The following OR6Y1 variants were observed in gnomAD, a reference collection of about 807,000 sequenced individuals.
OR6Y1 encodes the protein olfactory receptor family 6 subfamily Y member 1.
Under a neutral mutation model 0.4 loss-of-function variants are expected in OR6Y1, and 1 was observed. The ratio of observed to expected loss-of-function variants is 2.74; its 90% CI spans 0.97 to 13.02. OR6Y1 has a LOEUF of 13.02. Ranked by LOEUF, OR6Y1 falls within the 30% of genes most tolerant of loss-of-function variation. OR6Y1 has a pLI of 0.12. For missense variants in OR6Y1, 480 were observed against 399.8 expected (o/e 1.20, Z -1.71); for synonymous variants, 173 against 141.1 (o/e 1.23, Z -1.60).
At position 158,544,804 on chromosome 1, in the gene OR6Y1, G is replaced by A. The variant is rs1647471842; in HGVS notation, c.*2324C>T. ...ATGTGGTATTTGGTTTTCTGTTCTT[G>A]CATTAGTTTGCTAAAGGTGATGGCC... is the stretch of plus-strand genomic sequence containing the variant. On this transcript the variant is annotated 3_prime_UTR_variant, in exon 2 of 2. Transcript: ENST00000641622. The A allele has an allele frequency of 1.3e-5, 2 of 152,106 alleles. No homozygotes were observed. The highest frequency in any genetic ancestry group is 1.3e-4 in the Admixed American group (2 of 15,270). The allele number at this position is 152,106 out of a possible 1,614,324, so 9.4% of individuals were successfully genotyped here.
chr1:158,548,343 G>C lies in OR6Y1; in HGVS notation c.-238C>G. 2.2e-6 allele frequency: 1 copy of C among 464,130 alleles called. No individual in the cohort carries two copies. The allele number at this position is 464,130 out of a possible 1,614,324, so 28.8% of individuals were successfully genotyped here. A position where few individuals can be genotyped will look rare whatever the true frequency, so the allele number is the denominator to read the frequency against. ...TTCTCAAGAGCAGTAACTTGTCCAA[G>C]GTCATACAAAATAGAGTTTATAACT... is the stretch of plus-strand genomic sequence containing the variant. On this transcript the variant is annotated 5_prime_UTR_variant, in exon 2 of 2. Transcript: ENST00000641622.
Position 158,548,255 on chromosome 1 carries a change from G to T in OR6Y1, c.-150C>A. On this transcript the variant is annotated 5_prime_UTR_variant, in exon 2 of 2. Transcript: ENST00000641622. Reference sequence around the variant, plus strand: ...CTTACTGCCTCTTGAATTATGAAGAGAACCAAAGCTTTTGAGAAAAGATGG... The same window carrying T: ...CTTACTGCCTCTTGAATTATGAAGATAACCAAAGCTTTTGAGAAAAGATGG... The T allele has an allele frequency of 1.4e-6, 1 of 715,662 alleles. No individual in the cohort carries two copies. 44.3% of individuals were successfully genotyped at this position (715,662 alleles called of 1,614,324 possible).
chr1:158,547,408 A>T lies in OR6Y1; in HGVS notation c.698T>A (p.Ile233Asn), dbSNP rs1481855942. The change falls in exon 2 of 2, where the codon ATC (isoleucine) becomes AAC (asparagine). Residue 233 changes from isoleucine (I) to asparagine (N), a missense_variant. Ile to Asn is a moderately radical substitution (Grantham distance 149, BLOSUM62 -3). Coordinates refer to ENST00000641622, the MANE Select transcript of OR6Y1 (RefSeq NM_001005189.2). ...CTTTTGGCGGCCCTGAGCAGAAGGG[A>T]TCCTGAGGATGGTGGCAAGGATAGC... ...YAAILATILR[I>N]PSAQGRQKAF... The T allele has an allele frequency of 6.2e-7, 1 of 1,613,620 alleles. No homozygotes were observed. Among genetic ancestry groups the T allele is most frequent in the South Asian group, 1.1e-5 (1 of 91,072 alleles).
intron 1 of OR6Y1, among the ~76,000 whole-genome samples, chr1:158,549,777 C>T (rs1452060429): frequency 1.3e-5 from 2 of 151,694 alleles, no homozygotes; most frequent in Non-Finnish European, 2.9e-5. Context: ...GTGGGACTTA[C>T]AAGCAAGGCA....
rs1377707572 is a variant in OR6Y1, at chr1:158,548,202, T to A, written c.-97A>T. On this transcript the variant is annotated 5_prime_UTR_variant, in exon 2 of 2. Transcript: ENST00000641622. ...ATAGAGCCCACCACCAGCAAATTTA[T>A]CACAATAGGAGGTTTCTGCTTTTTT... 7.9e-7 allele frequency: 1 copy of A among 1,268,650 alleles called. No individual in the cohort carries two copies. The highest frequency in any genetic ancestry group is 1.1e-6 in the Non-Finnish European group (1 of 921,526). 78.6% of individuals were successfully genotyped at this position (1,268,650 alleles called of 1,614,324 possible).
In OR6Y1 at chr1:158,547,155, G is replaced by A. The variant is rs770767140; in HGVS notation, c.951C>T (p.Pro317=). The change falls in exon 2 of 2, where the codon CCC becomes CCT. Residue 317 remains proline, a synonymous_variant. Coordinates refer to ENST00000641622, the MANE Select transcript of OR6Y1 (RefSeq NM_001005189.2). Reference sequence around the variant, plus strand: ...AACTACTGAAAGCCCCATTTCCCTGGGGCCCACTTCCTCTGCAATGTATGG... The same window carrying A: ...AACTACTGAAAGCCCCATTTCCCTGAGGCCCACTTCCTCTGCAATGTATGG... ...RKTIHCRGSG[P]QGNGAFSS 1.2e-6 allele frequency: 2 copies of A among 1,612,904 alleles called. No homozygotes were observed. The highest frequency in any genetic ancestry group is 2.2e-5 in the South Asian group (2 of 90,948).
At position 158,554,331 on chromosome 1, in the gene OR6Y1, A is replaced by G. The variant is rs1195535819; in HGVS notation, c.-1498T>C. The G allele has an allele frequency of 2.0e-5, 3 of 152,264 alleles. No individual in the cohort carries two copies. Among genetic ancestry groups the G allele is most frequent in the Admixed American group, 1.3e-4 (2 of 15,288 alleles). The allele number at this position is 152,264 out of a possible 1,614,324, so 9.4% of individuals were successfully genotyped here. A position where few individuals can be genotyped will look rare whatever the true frequency, so the allele number is the denominator to read the frequency against. ...TCAAAGATGGCCAGCTTGCGCTGAGAAAAGAGAAGAAATCATGTAGACCAA... is the reference window on the plus strand; with the variant it reads ...TCAAAGATGGCCAGCTTGCGCTGAGGAAAGAGAAGAAATCATGTAGACCAA... On this transcript the variant is annotated 5_prime_UTR_variant, in exon 1 of 2. Coordinates refer to ENST00000641622, the MANE Select transcript of OR6Y1 (RefSeq NM_001005189.2).
intron 1 of OR6Y1, among the ~76,000 whole-genome samples, chr1:158,550,583 TATATAG>T (rs1168169565): frequency 1.3e-5 from 2 of 151,640 alleles, no homozygotes; most frequent in Non-Finnish European, 2.9e-5. Flanking sequence ...CACATATGTA[TATATAG>T]AATTATATTT....
At chr1:158,552,261 T>C (rs1287235012) in intron 1 of OR6Y1, among the ~76,000 whole-genome samples, 1 of 148,588 alleles carries the variant, frequency 6.7e-6, no homozygotes, top group Non-Finnish European at 1.5e-5. Context: ...TATATATATA[T>C]GGCCAGTTTA....
chr1:158,547,194 T>G lies in OR6Y1; in HGVS notation c.912A>C (p.Ala304=). 3 of 1,613,660 alleles carry G rather than the reference T, an allele frequency of 1.9e-6. No homozygotes were observed. Among genetic ancestry groups the G allele is most frequent in the Non-Finnish European group, 2.5e-6 (3 of 1,179,938 alleles). The part of the protein sequence containing the change: ...IYCLRNHEVK[A]ALRKTIHCRG... ...TGCAATGTATGGTCTTTCTGAGGGC[T>G]GCCTTTACTTCATGGTTCCTCAGAC... Residue 304 remains alanine, a synonymous_variant, in exon 2 of 2, where the codon GCA becomes GCC. Transcript: ENST00000641622.
At chr1:158,552,630 T>C (rs146522163) in intron 1 of OR6Y1, among the ~76,000 whole-genome samples, 6 of 152,156 alleles carry the variant, frequency 3.9e-5, no homozygotes, top group Non-Finnish European at 4.4e-5. Flanking sequence ...ATGGAGGCAT[T>C]TTAAAAATTG....
rs200681369 is a variant in OR6Y1 at position 158,551,767 on chromosome 1, A to C, written c.-1432-2230T>G. 1.2e-3 allele frequency among the ~76,000 whole-genome samples: 136 copies of C among 109,206 alleles called. 7 individuals carry two copies. Among genetic ancestry groups the C allele is most frequent in the African/African-American group, 5.1e-3 (124 of 24,152 alleles). The allele number at this position is 109,206 out of a possible 152,430, so 71.6% of individuals were successfully genotyped here. On this transcript the variant is annotated intron_variant, in intron 1 of 1. Transcript: ENST00000641622. ...TTACACACACACACACACACACACAAACACACATTGCTAAACAAGTAGAAT... is the reference window on the plus strand; with the variant it reads ...TTACACACACACACACACACACACACACACACATTGCTAAACAAGTAGAAT...
intron 1 of OR6Y1, among the ~76,000 whole-genome samples, chr1:158,552,943 A>G (rs1299476949): frequency 1.3e-5 from 2 of 152,154 alleles, no homozygotes; most frequent in East Asian, 3.9e-4. Flanking sequence ...AGGAACGAAT[A>G]TGCTTCAGGG....
chr1:158,547,483 G>T lies in OR6Y1; in HGVS notation c.623C>A (p.Ala208Asp). 1 of 1,613,482 alleles carries T rather than the reference G, an allele frequency of 6.2e-7. No individual in the cohort carries two copies. The highest frequency in any genetic ancestry group is 8.5e-7 in the Non-Finnish European group (1 of 1,179,988). Residue 208 changes from alanine (A) to aspartate (D), a missense_variant, in exon 2 of 2, where the codon GCC (alanine) becomes GAC (aspartate). Physicochemically the swap from Ala to Asp is moderately radical, Grantham distance 126. Transcript: ENST00000641622. ...SQAEMVDFFL[A>D]LMVIAIPLCV... ...AAGAGGAATAGCAATGACCATGAGG[G>T]CCAAGAAGAAGTCCACCATCTCAGC...
rs1208019666 is a variant in OR6Y1 at position 158,547,479 on chromosome 1, G to A, written c.627C>T (p.Leu209=). The part of the protein sequence containing the change: ...QAEMVDFFLA[L]MVIAIPLCVV... ...CACAAAGAGGAATAGCAATGACCAT[G>A]AGGGCCAAGAAGAAGTCCACCATCT... The change falls in exon 2 of 2, where the codon CTC becomes CTT. Residue 209 remains leucine (L), a synonymous_variant. Coordinates refer to ENST00000641622, the MANE Select transcript of OR6Y1 (RefSeq NM_001005189.2). 6.2e-7 allele frequency: 1 copy of A among 1,613,558 alleles called. No homozygotes were observed. Among genetic ancestry groups the A allele is most frequent in the Non-Finnish European group, 8.5e-7 (1 of 1,179,996 alleles).
Position 158,547,145 on chromosome 1 carries a change from C to A in OR6Y1, c.961G>T (p.Gly321Trp), listed in dbSNP as rs1477992982. 1.2e-6 allele frequency: 2 copies of A among 1,612,568 alleles called. No individual in the cohort carries two copies. Among genetic ancestry groups the A allele is most frequent in the Admixed American group, 3.3e-5 (2 of 59,818 alleles). The change falls in exon 2 of 2, where the codon GGG becomes TGG. Residue 321 changes from glycine (G) to tryptophan (W), a missense_variant. Gly to Trp is a radical substitution (Grantham distance 184). Coordinates refer to ENST00000641622, the MANE Select transcript of OR6Y1 (RefSeq NM_001005189.2). ...TACATTTTTTAACTACTGAAAGCCC[C>A]ATTTCCCTGGGGCCCACTTCCTCTG... is the stretch of plus-strand genomic sequence containing the variant. ...HCRGSGPQGN[G>W]AFSS
At chr1:158,550,261 A>G (rs1647668250) in intron 1 of OR6Y1, among the ~76,000 whole-genome samples, 1 of 150,798 alleles carries the variant, frequency 6.6e-6, no homozygotes, top group Non-Finnish European at 1.5e-5. Flanking sequence ...TGCTTCAGAC[A>G]TGAAGCTGGA....
chr1:158,554,194 CA>C (rs2101711392), intron 1 of OR6Y1, 71 bp downstream of exon 1: 1 of 152,294 alleles, frequency 6.6e-6, no homozygotes, highest in Non-Finnish European at 1.5e-5. Flanking sequence ...TACTTTCCTT[CA>C]TAAAAATAAA....
intron 1 of OR6Y1, among the ~76,000 whole-genome samples, chr1:158,552,897 C>G (rs916496305): frequency 3.9e-5 from 6 of 152,098 alleles, no homozygotes; most frequent in African/African-American, 1.2e-4. Flanking sequence ...TAAAGGGATA[C>G]AATTCTAATC....
Sources: allele counts gnomAD v4.1 joint callset (sites outside exome capture counted in the v4.1 genomes callset), GRCh38; gene constraint gnomAD v4.1.1; transcripts MANE v1.5; gene names NCBI Gene and HGNC (gene_info 2026-07-23, HGNC 2026-07-21).